The following MGAT4B variants were observed in gnomAD, a reference collection of about 807,000 sequenced individuals.
MGAT4B encodes the protein N-acetylglucosaminyltransferase IVb.
A neutral mutation model predicts 73.9 loss-of-function variants in MGAT4B; 38 were observed. The ratio of observed to expected loss-of-function variants is 0.51; its 90% CI spans 0.40 to 0.67. The LOEUF is 0.67. Ranked by LOEUF, MGAT4B falls within the 30% of genes least tolerant of loss-of-function variation. The pLI is 0.00. For synonymous variants in MGAT4B, 373 were observed against 313.5 expected, an observed-to-expected ratio of 1.19 and a Z score of -2.01; for missense variants, 686 against 735.2, an observed-to-expected ratio of 0.93 and a Z score of 0.77.
At chr5:179,798,783 C>T (rs1756770576) in intron 11 of MGAT4B, 145 bp downstream of exon 11, 9 of 1,125,522 alleles carry the variant, frequency 8.0e-6, no homozygotes, top group African/African-American at 3.1e-5. Flanking sequence ...GGCTGCCTGA[C>T]TTAGTCCTCA....
Position 179,801,897 on chromosome 5 carries a change from C to G in MGAT4B, c.170G>C (p.Ser57Thr), listed in dbSNP as rs780472585. The change falls in exon 2 of 15, where the codon AGC (serine) becomes ACC (threonine). Residue 57 changes from serine (S) to threonine (T), a missense_variant. Around this residue, in one of 2 missense-constraint regions of MGAT4B, gnomAD observed 237 missense variants for 198.5 expected, o/e 1.19. Transcript: ENST00000292591. The surrounding 1 kb of genome is among the most constrained non-coding windows in gnomAD (Gnocchi z 4.8). Reference sequence around the variant, plus strand: ...GTTGAGCTCCTTGGAGCGCTTGAGGCTCTCCTGCTCAGCTGCGTGCAACCG... The same window carrying G: ...GTTGAGCTCCTTGGAGCGCTTGAGGGTCTCCTGCTCAGCTGCGTGCAACCG... ...RDRLHAAEQE[S>T]LKRSKELNLV... is the part of the protein sequence containing the mutation. 1.3e-5 allele frequency: 21 copies of G among 1,613,060 alleles called. No individual in the cohort carries two copies. Among genetic ancestry groups the G allele is most frequent in the Non-Finnish European group, 1.8e-5 (21 of 1,179,782 alleles).
At chr5:179,804,726 T>C (rs969625011) in intron 1 of MGAT4B, among the ~76,000 whole-genome samples, 4 of 152,160 alleles carry the variant, frequency 2.6e-5, no homozygotes, top group African/African-American at 9.7e-5. Flanking sequence ...GGCTGCAAAG[T>C]GGAGGCCAGG....
At position 179,801,205 on chromosome 5, in the gene MGAT4B, G is replaced by C; in HGVS notation, c.558+129C>G. Reference sequence around the variant, plus strand: ...GAAAGCCCTTTCAACTTTCTATCTCGGAGCATTTGCGAATGAAACTAGCAA... The same window carrying C: ...GAAAGCCCTTTCAACTTTCTATCTCCGAGCATTTGCGAATGAAACTAGCAA... On this transcript the variant is annotated intron_variant, in intron 4 of 14. Coordinates refer to ENST00000292591, the MANE Select transcript of MGAT4B (RefSeq NM_014275.5). This position sits in a 1 kb window ranked among gnomAD's most constrained non-coding sequence, Gnocchi z 4.8. 1 of 1,355,708 alleles carries C rather than the reference G, an allele frequency of 7.4e-7. No individual in the cohort carries two copies. 84.0% of individuals were successfully genotyped at this position (1,355,708 alleles called of 1,614,324 possible).
intron 6 of MGAT4B, 34 bp downstream of exon 6, chr5:179,800,450 C>A: frequency 6.7e-7 from 1 of 1,485,820 alleles, no homozygotes; most frequent in Non-Finnish European, 9.3e-7. Flanking sequence ...CACAGGCAGG[C>A]GGGTTGCTGA....
rs948310303 is a variant in MGAT4B at position 179,800,393 on chromosome 5, C to A, written c.719+91G>T. 7 of 1,427,426 alleles carry A rather than the reference C, an allele frequency of 4.9e-6. No homozygotes were observed. In the African/African-American group the frequency reaches 9.9e-5, roughly 20 times the overall value. 88.4% of individuals were successfully genotyped at this position (1,427,426 alleles called of 1,614,324 possible). A position where few individuals can be genotyped will look rare whatever the true frequency, so the allele number is the denominator to read the frequency against. On this transcript the variant is annotated intron_variant, in intron 6 of 14. Transcript: ENST00000292591. ...GTCCTCCCATGGAGAATTCAGGGCA[C>A]TGCAGGGAAACACCCTGGACTCAAA...
Position 179,806,614 on chromosome 5 carries a change from G to A in MGAT4B, c.-31C>T, listed in dbSNP as rs962841134. ...CGGGTGCGCGGCGGGCGCCCGCGGG[G>A]CCGAGGCTGCATGGCCCGGGGGACC... On this transcript the variant is annotated 5_prime_UTR_variant, in exon 1 of 15. Coordinates refer to ENST00000292591, the MANE Select transcript of MGAT4B (RefSeq NM_014275.5). This position sits in a 1 kb window ranked among gnomAD's most constrained non-coding sequence, Gnocchi z 4.6. 4.2e-6 allele frequency: 5 copies of A among 1,184,226 alleles called. No individual in the cohort carries two copies. In the African/African-American group the frequency reaches 4.9e-5, roughly 12 times the overall value. The allele number at this position is 1,184,226 out of a possible 1,614,324, so 73.4% of individuals were successfully genotyped here. A position where few individuals can be genotyped will look rare whatever the true frequency, so the allele number is the denominator to read the frequency against.
chr5:179,803,621 C>G (rs1485304808), intron 1 of MGAT4B: 1 of 152,198 alleles, frequency 6.6e-6, no homozygotes, highest in Non-Finnish European at 1.5e-5. Flanking sequence ...TTCTCTGTCC[C>G]ACACGACTGC....
At chr5:179,799,772 G>T in intron 8 of MGAT4B, 136 bp from the exon 9 acceptor site, 1 of 1,359,754 alleles carries the variant, frequency 7.4e-7, no homozygotes, top group Non-Finnish European at 1.0e-6. Flanking sequence ...GAGGCAGACA[G>T]GTGATGAGGG....
chr5:179,798,512 C>G lies in MGAT4B; in HGVS notation c.1422+1G>C. 6.2e-7 allele frequency: 1 copy of G among 1,613,512 alleles called. No homozygotes were observed. The highest frequency in any genetic ancestry group is 8.5e-7 in the Non-Finnish European group (1 of 1,180,016). On this transcript the variant is annotated splice_donor_variant, in intron 12 of 14. Coordinates refer to ENST00000292591, the MANE Select transcript of MGAT4B (RefSeq NM_014275.5). LOFTEE classifies it high-confidence loss of function. ...GTGCACACCACACCCACCGAACTTACGTCGAAGGGCAGCACCTCCACAGAC... is the reference window on the plus strand; with the variant it reads ...GTGCACACCACACCCACCGAACTTAGGTCGAAGGGCAGCACCTCCACAGAC...
rs1486459525 is a variant in MGAT4B at position 179,801,888 on chromosome 5, C to T, written c.179G>A (p.Arg60His). 3.1e-6 allele frequency: 5 copies of T among 1,612,956 alleles called. No homozygotes were observed. The Admixed American group carries it at 5.0e-5, about 16-fold the overall frequency. The change falls in exon 2 of 15, where the codon CGC becomes CAC. Residue 60 changes from arginine to histidine, a missense_variant. Arg to His is a conservative substitution (Grantham distance 29). This residue lies in a region of MGAT4B where 237 missense variants were observed against 198.5 expected (regional missense o/e 1.19). Transcript: ENST00000292591. This position sits in a 1 kb window ranked among gnomAD's most constrained non-coding sequence, Gnocchi z 4.8. ...LHAAEQESLK[R>H]SKELNLVLDE... ...CAGCACCAGGTTGAGCTCCTTGGAGCGCTTGAGGCTCTCCTGCTCAGCTGC... is the reference window on the plus strand; with the variant it reads ...CAGCACCAGGTTGAGCTCCTTGGAGTGCTTGAGGCTCTCCTGCTCAGCTGC...
rs1757173708 is a variant in MGAT4B at position 179,806,643 on chromosome 5, G to C, written c.-60C>G. The C allele has an allele frequency of 2.1e-6, 2 of 968,640 alleles. No homozygotes were observed. Among genetic ancestry groups the C allele is most frequent in the Admixed American group, 4.9e-5 (1 of 20,540 alleles). The allele number at this position is 968,640 out of a possible 1,614,324, so 60.0% of individuals were successfully genotyped here. ...AGGCTGCATGGCCCGGGGGACCGGGGCCGGGGCGCAGGGGTCGGAAGGCGG... is the reference window on the plus strand; with the variant it reads ...AGGCTGCATGGCCCGGGGGACCGGGCCCGGGGCGCAGGGGTCGGAAGGCGG... On this transcript the variant is annotated 5_prime_UTR_variant, in exon 1 of 15. Transcript: ENST00000292591. The surrounding 1 kb of genome is among the most constrained non-coding windows in gnomAD (Gnocchi z 4.6).
Position 179,798,501 on chromosome 5 carries a change from C to T in MGAT4B, c.1422+12G>A, listed in dbSNP as rs1250706137. 1.2e-6 allele frequency: 2 copies of T among 1,613,522 alleles called. No homozygotes were observed. The highest frequency in any genetic ancestry group is 2.2e-5 in the South Asian group (2 of 91,086). On this transcript the variant is annotated intron_variant, in intron 12 of 14. Transcript: ENST00000292591. ...GCCCGGCTTCAGTGCACACCACACCCACCGAACTTACGTCGAAGGGCAGCA... is the reference window on the plus strand; with the variant it reads ...GCCCGGCTTCAGTGCACACCACACCTACCGAACTTACGTCGAAGGGCAGCA...
At chr5:179,802,290 G>A (rs771538525) in intron 1 of MGAT4B, 72 of 1,407,038 alleles carry the variant, frequency 5.1e-5, no homozygotes, top group Middle Eastern at 5.3e-4. Context: ...GGCTGGAACA[G>A]CCTCAGACTG....
rs375173225 is a variant in MGAT4B, at chr5:179,800,073, G to A, written c.796-5C>T. 5.6e-5 allele frequency: 91 copies of A among 1,613,190 alleles called. No homozygotes were observed. Among genetic ancestry groups the A allele is most frequent in the Middle Eastern group, 1.6e-4 (1 of 6,082 alleles). On this transcript the variant is annotated splice_region_variant and splice_polypyrimidine_tract_variant and intron_variant, in intron 7 of 14. Coordinates refer to ENST00000292591, the MANE Select transcript of MGAT4B (RefSeq NM_014275.5). ...GGCCACGATGTCATCCTCCAGCTGC[G>A]AGGTGAGCAGAGAGGGGCTGGGGCT... is the stretch of plus-strand genomic sequence containing the variant.
rs573356678 is a variant in MGAT4B, at chr5:179,797,796, G to A, written c.*249C>T. 552 of 471,814 alleles carry A rather than the reference G, an allele frequency of 1.2e-3. 8 individuals are homozygous for A. The highest frequency in any genetic ancestry group is 0.012 in the East Asian group (309 of 26,426). The allele number at this position is 471,814 out of a possible 1,614,324, so 29.2% of individuals were successfully genotyped here. ...TAAAACGGCCTGACTGGGGCAGGCC[G>A]GGTGCGAACGGTTCCGGGCCTCAGG... On this transcript the variant is annotated 3_prime_UTR_variant, in exon 15 of 15. Coordinates refer to ENST00000292591, the MANE Select transcript of MGAT4B (RefSeq NM_014275.5).
In MGAT4B at chr5:179,799,507, G is replaced by A. The variant is rs182575029; in HGVS notation, c.1040C>T (p.Ala347Val). ...CCAGTCCCGCCAGCTCTTGCTCACC[G>A]CATCCTTCTCGGGGTTGCAGACTTT... ...WVKVCNPEKDAKHCDRQKANL... is the reference protein window; with the variant it reads ...WVKVCNPEKDVKHCDRQKANL... Residue 347 changes from alanine (A) to valine (V), a missense_variant and splice_region_variant, in exon 9 of 15, where the codon GCG becomes GTG. Coordinates refer to ENST00000292591, the MANE Select transcript of MGAT4B (RefSeq NM_014275.5). 279 of 1,613,702 alleles carry A rather than the reference G, an allele frequency of 1.7e-4. 1 individual carries two copies. Among genetic ancestry groups the A allele is most frequent in the South Asian group, 3.4e-4 (31 of 91,082 alleles).
At chr5:179,804,565 G>A (rs944294191) in intron 1 of MGAT4B, among the ~76,000 whole-genome samples, 2 of 152,194 alleles carry the variant, frequency 1.3e-5, no homozygotes, top group African/African-American at 4.8e-5. Flanking sequence ...TCCATTTTGC[G>A]TTGGTCTAAG....
chr5:179,806,785 C>G lies in MGAT4B; in HGVS notation c.-202G>C, dbSNP rs1301697209. 3.3e-5 allele frequency: 5 copies of G among 149,458 alleles called. No individual in the cohort carries two copies. Among genetic ancestry groups the G allele is most frequent in the African/African-American group, 1.2e-4 (5 of 41,100 alleles). The allele number at this position is 149,458 out of a possible 1,614,324, so 9.3% of individuals were successfully genotyped here. On this transcript the variant is annotated 5_prime_UTR_variant, in exon 1 of 15. Transcript: ENST00000292591. This position sits in a 1 kb window ranked among gnomAD's most constrained non-coding sequence, Gnocchi z 4.6. ...CCCCTCAGGGCGCAAGCTTTGTGCC[C>G]TGTACTCAGGGAAGAGGAACAGGCT...
rs763234378 is a variant in MGAT4B at position 179,799,075 on chromosome 5, G to A, written c.1196C>T (p.Pro399Leu). 7.4e-6 allele frequency: 12 copies of A among 1,613,842 alleles called. No homozygotes were observed. The highest frequency in any genetic ancestry group is 2.7e-5 in the African/African-American group (2 of 74,938). ...CAGGCTCGTGCTCACCTCTGCTGGC[G>A]GGTTCACATGCTCCTTCCGCAGCGC... Reference protein sequence around the residue: ...KQALRKEHVNPPAEVSTSLKT... With the variant: ...KQALRKEHVNLPAEVSTSLKT... The change falls in exon 11 of 15, where the codon CCG becomes CTG. Residue 399 changes from proline (P) to leucine (L), a missense_variant. Around this residue, in one of 2 missense-constraint regions of MGAT4B, gnomAD observed 449 missense variants for 536.8 expected, o/e 0.84. Coordinates refer to ENST00000292591, the MANE Select transcript of MGAT4B (RefSeq NM_014275.5).
Sources: gnomAD v4.1 joint callset for allele counts (sites outside exome capture counted in the v4.1 genomes callset) on GRCh38, gnomAD v4.1.1 for gene constraint, gnomAD v4.1.1 regional missense constraint, Gnocchi (gnomAD v3.1) non-coding constraint, MANE v1.5 for transcripts, NCBI Gene and HGNC (gene_info 2026-07-23, HGNC 2026-07-21) for gene names.